FOXB2: variants seen among roughly 807,000 people sequenced by gnomAD.
FOXB2 encodes the protein forkhead box protein B2.
In FOXB2, 1 loss-of-function variant was observed where a neutral mutation model predicts 0.9. The observed-to-expected ratio is 1.09, with a 90% CI of 0.39 to 5.18. The LOEUF (loss-of-function observed/expected upper bound fraction) is 5.18, where lower values mean the gene tolerates loss of function less well. Among genes scored for constraint, FOXB2 ranks in the 30% most tolerant of loss-of-function variants. FOXB2 has a pLI of 0.16. For missense variants in FOXB2, 670 were observed against 626.6 expected (o/e 1.07, Z -0.74); for synonymous variants, 322 against 293.5 (o/e 1.10, Z -0.99).
rs765506681 is a variant in FOXB2, at chr9:77,019,667, G to C, written c.13G>C (p.Gly5Arg). The stretch of plus-strand genomic sequence containing the variant: ...GGAGCCGGGGGCGATGCCGCGGCCG[G>C]GGAAGAGCTCGTACAGCGACCAAAA... MPRP[G>R]KSSYSDQKPP... is the part of the protein sequence containing the mutation. The change falls in exon 1 of 1, where the codon GGG becomes CGG. Residue 5 changes from glycine (G) to arginine (R), a missense_variant. Physicochemically the swap from Gly to Arg is moderately radical, Grantham distance 125. Transcript: ENST00000376708. This position sits in a 1 kb window ranked among gnomAD's most constrained non-coding sequence, Gnocchi z 4.4. 6.3e-7 allele frequency: 1 copy of C among 1,579,698 alleles called. No homozygotes were observed. The highest frequency in any genetic ancestry group is 1.4e-5 in the African/African-American group (1 of 73,978).
At position 77,019,934 on chromosome 9, in the gene FOXB2, G is replaced by T. The variant is rs771193277; in HGVS notation, c.280G>T (p.Gly94Trp). 3 of 1,613,422 alleles carry T rather than the reference G, an allele frequency of 1.9e-6. No individual in the cohort carries two copies. The highest frequency in any genetic ancestry group is 1.3e-5 in the African/African-American group (1 of 74,918). The change falls in exon 1 of 1, where the codon GGG (glycine) becomes TGG (tryptophan). Residue 94 changes from glycine to tryptophan, a missense_variant. Transcript: ENST00000376708. The surrounding 1 kb of genome is among the most constrained non-coding windows in gnomAD (Gnocchi z 4.4). The stretch of plus-strand genomic sequence containing the variant: ...CTTCTGGGCGCTGCACCCCGACTGC[G>T]GGGACATGTTCGAGAACGGCAGCTT... ...GSFWALHPDCGDMFENGSFLR... is the reference protein window; with the variant it reads ...GSFWALHPDCWDMFENGSFLR...
chr9:77,020,739 T>A lies in FOXB2; in HGVS notation c.1085T>A (p.Met362Lys). The change falls in exon 1 of 1, where the codon ATG (methionine) becomes AAG (lysine). Residue 362 changes from methionine (M) to lysine (K), a missense_variant. By Grantham distance (95) the Met-to-Lys change is moderately conservative. Transcript: ENST00000376708. The surrounding 1 kb of genome is among the most constrained non-coding windows in gnomAD (Gnocchi z 4.9). ...CHSASQSLPA[M>K]PVPIKPTPAL... ...TCGGCAAGCCAGAGCCTGCCTGCCA[T>A]GCCGGTGCCCATCAAGCCCACGCCT... 6.3e-7 allele frequency: 1 copy of A among 1,597,064 alleles called. No homozygotes were observed. Among genetic ancestry groups the A allele is most frequent in the Non-Finnish European group, 8.5e-7 (1 of 1,174,428 alleles).
rs765866854 is a variant in FOXB2 at position 77,020,341 on chromosome 9, G to GGCCGCGGCA, written c.695_703dup (p.Ala232_Ala234dup). 8 of 1,215,014 alleles carry GGCCGCGGCA rather than the reference G, an allele frequency of 6.6e-6. No individual in the cohort carries two copies. Among genetic ancestry groups the GGCCGCGGCA allele is most frequent in the Admixed American group, 4.5e-5 (1 of 22,236 alleles). The allele number at this position is 1,215,014 out of a possible 1,614,324, so 75.3% of individuals were successfully genotyped here. On this transcript the variant is annotated inframe_insertion, in exon 1 of 1. Transcript: ENST00000376708. The surrounding 1 kb of genome is among the most constrained non-coding windows in gnomAD (Gnocchi z 4.9). ...CGGCCGTGGCGGCGGCGGCGGCGGC[G>GGCCGCGGCA]GCCGCGGCAGCCGCGGTGGGCAGCG...
Position 77,019,695 on chromosome 9 carries a change from C to T in FOXB2, c.41C>T (p.Pro14Leu), listed in dbSNP as rs1209607680. 2 of 1,608,294 alleles carry T rather than the reference C, an allele frequency of 1.2e-6. No individual in the cohort carries two copies. Among genetic ancestry groups the T allele is most frequent in the Admixed American group, 3.4e-5 (2 of 59,114 alleles). The change falls in exon 1 of 1, where the codon CCG becomes CTG. Residue 14 changes from proline to leucine, a missense_variant. Coordinates refer to ENST00000376708, the MANE Select transcript of FOXB2 (RefSeq NM_001013735.1). The surrounding 1 kb of genome is among the most constrained non-coding windows in gnomAD (Gnocchi z 4.4). ...AAGAGCTCGTACAGCGACCAAAAAC[C>T]GCCCTACTCTTACATCTCGCTGACC... ...PGKSSYSDQK[P>L]PYSYISLTAM... is the part of the protein sequence containing the mutation.
Position 77,019,895 on chromosome 9 carries a change from C to G in FOXB2, c.241C>G (p.Pro81Ala). 2 of 1,613,886 alleles carry G rather than the reference C, an allele frequency of 1.2e-6. No homozygotes were observed. Among genetic ancestry groups the G allele is most frequent in the Admixed American group, 1.7e-5 (1 of 60,030 alleles). Residue 81 changes from proline (P) to alanine (A), a missense_variant, in exon 1 of 1, where the codon CCT (proline) becomes GCT (alanine). Pro to Ala is a conservative substitution (Grantham distance 27). Transcript: ENST00000376708. The surrounding 1 kb of genome is among the most constrained non-coding windows in gnomAD (Gnocchi z 4.4). ...FIKIPRRPDQ[P>A]GKGSFWALHP... ...CAAGATTCCGCGGAGGCCCGACCAG[C>G]CTGGCAAGGGTAGCTTCTGGGCGCT...
rs540754001 is a variant in FOXB2, at chr9:77,020,320, C to A, written c.666C>A (p.Ala222=). Residue 222 remains alanine (A), a synonymous_variant, in exon 1 of 1, where the codon GCC becomes GCA. Coordinates refer to ENST00000376708, the MANE Select transcript of FOXB2 (RefSeq NM_001013735.1). This position sits in a 1 kb window ranked among gnomAD's most constrained non-coding sequence, Gnocchi z 4.9. ...SHPGKMQEAA[A]VAAAAAAAAA... is the part of the protein sequence containing the mutation. ...CCGGCAAGATGCAGGAGGCGGCGGC[C>A]GTGGCGGCGGCGGCGGCGGCGGCCG... 2.5e-5 allele frequency: 28 copies of A among 1,142,842 alleles called. No homozygotes were observed. The South Asian group carries it at 5.8e-4, about 24-fold the overall frequency. 70.8% of individuals were successfully genotyped at this position (1,142,842 alleles called of 1,614,324 possible).
At position 77,020,598 on chromosome 9, in the gene FOXB2, C is replaced by T. The variant is rs906714422; in HGVS notation, c.944C>T (p.Pro315Leu). 1 of 1,607,472 alleles carries T rather than the reference C, an allele frequency of 6.2e-7. No homozygotes were observed. Among genetic ancestry groups the T allele is most frequent in the African/African-American group, 1.3e-5 (1 of 74,544 alleles). The change falls in exon 1 of 1, where the codon CCG (proline) becomes CTG (leucine). Residue 315 changes from proline to leucine, a missense_variant. Physicochemically the swap from Pro to Leu is moderately conservative, Grantham distance 98. Transcript: ENST00000376708. This position sits in a 1 kb window ranked among gnomAD's most constrained non-coding sequence, Gnocchi z 4.9. The part of the protein sequence containing the change: ...QLGNVVSSVW[P>L]HVGVMDSVAA... ...GGCAACGTCGTCAGCTCCGTGTGGC[C>T]GCACGTTGGCGTCATGGATTCGGTG...
In FOXB2 at chr9:77,019,737, A is replaced by G. The variant is rs769208727; in HGVS notation, c.83A>G (p.His28Arg). The G allele has an allele frequency of 1.2e-6, 2 of 1,613,904 alleles. No homozygotes were observed. The highest frequency in any genetic ancestry group is 2.7e-5 in the African/African-American group (2 of 74,908). ...YISLTAMAIQ[H>R]SAEKMLPLSD... ...TCGCTGACCGCCATGGCAATCCAGC[A>G]CTCGGCCGAGAAGATGCTGCCGCTG... is the stretch of plus-strand genomic sequence containing the variant. Residue 28 changes from histidine to arginine, a missense_variant, in exon 1 of 1, where the codon CAC (histidine) becomes CGC (arginine). By Grantham distance (29) the His-to-Arg change is conservative (BLOSUM62 0). Coordinates refer to ENST00000376708, the MANE Select transcript of FOXB2 (RefSeq NM_001013735.1). The surrounding 1 kb of genome is among the most constrained non-coding windows in gnomAD (Gnocchi z 4.4).
In FOXB2 at chr9:77,020,145, A is replaced by AGCC. The variant is rs753771418; in HGVS notation, c.507_509dup (p.Pro174dup). ...CACCACCATCACCACCACCCACCCC[A>AGCC]GCCGCCGCCGCCGCCGCCCCCGCCG... is the stretch of plus-strand genomic sequence containing the variant. On this transcript the variant is annotated inframe_insertion, in exon 1 of 1. Coordinates refer to ENST00000376708, the MANE Select transcript of FOXB2 (RefSeq NM_001013735.1). The surrounding 1 kb of genome is among the most constrained non-coding windows in gnomAD (Gnocchi z 4.9). 1.4e-5 allele frequency: 19 copies of AGCC among 1,355,810 alleles called. No homozygotes were observed. The highest frequency in any genetic ancestry group is 7.3e-5 in the East Asian group (3 of 41,254). The allele number at this position is 1,355,810 out of a possible 1,614,324, so 84.0% of individuals were successfully genotyped here.
Position 77,020,287 on chromosome 9 carries a change from G to C in FOXB2, c.633G>C (p.Pro211=), listed in dbSNP as rs758358434. 2.1e-6 allele frequency: 3 copies of C among 1,429,290 alleles called. No individual in the cohort carries two copies. Among genetic ancestry groups the C allele is most frequent in the African/African-American group, 2.9e-5 (2 of 69,590 alleles). 88.5% of individuals were successfully genotyped at this position (1,429,290 alleles called of 1,614,324 possible). A position where few individuals can be genotyped will look rare whatever the true frequency, so the allele number is the denominator to read the frequency against. Residue 211 remains proline (P), a synonymous_variant, in exon 1 of 1, where the codon CCG becomes CCC. Transcript: ENST00000376708. The surrounding 1 kb of genome is among the most constrained non-coding windows in gnomAD (Gnocchi z 4.9). ...QPPQQSQPQQ[P]SHPGKMQEAA... ...CCCAGCAGTCGCAGCCTCAGCAGCC[G>C]TCTCACCCCGGCAAGATGCAGGAGG...
Position 77,020,071 on chromosome 9 carries a change from TCACCACCACCACCCCCAC to T in FOXB2, c.426_443del (p.Pro144_His149del). 9 of 1,560,620 alleles carry T rather than the reference TCACCACCACCACCCCCAC, an allele frequency of 5.8e-6. No individual in the cohort carries two copies. The highest frequency in any genetic ancestry group is 7.8e-6 in the Non-Finnish European group (9 of 1,155,962). ...GTCCGGGAGGGCACCTTCACCCCCA[TCACCACCACCACCCCCAC>T]CACCACCATCATCACCACGCTGCCG... is the stretch of plus-strand genomic sequence containing the variant. On this transcript the variant is annotated inframe_deletion, in exon 1 of 1. Coordinates refer to ENST00000376708, the MANE Select transcript of FOXB2 (RefSeq NM_001013735.1). This position sits in a 1 kb window ranked among gnomAD's most constrained non-coding sequence, Gnocchi z 4.9.
rs547464202 is a variant in FOXB2 at position 77,020,657 on chromosome 9, G to C, written c.1003G>C (p.Val335Leu). ...CGCGGCCGCCGCAGCCGCAGCCGGA[G>C]TCCCTGTAGGCCCGGAGTATGGGGC... is the stretch of plus-strand genomic sequence containing the variant. Reference protein sequence around the residue: ...AAAAAAAAAGVPVGPEYGAFG... With the variant: ...AAAAAAAAAGLPVGPEYGAFG... Residue 335 changes from valine (V) to leucine (L), a missense_variant, in exon 1 of 1, where the codon GTC becomes CTC. Coordinates refer to ENST00000376708, the MANE Select transcript of FOXB2 (RefSeq NM_001013735.1). This position sits in a 1 kb window ranked among gnomAD's most constrained non-coding sequence, Gnocchi z 4.9. 2.9e-5 allele frequency: 46 copies of C among 1,602,860 alleles called. No homozygotes were observed. Among genetic ancestry groups the C allele is most frequent in the Non-Finnish European group, 3.7e-5 (44 of 1,176,050 alleles).
Position 77,020,305 on chromosome 9 carries a change from G to T in FOXB2, c.651G>T (p.Met217Ile), listed in dbSNP as rs889758377. ...AGCAGCCGTCTCACCCCGGCAAGAT[G>T]CAGGAGGCGGCGGCCGTGGCGGCGG... The part of the protein sequence containing the change: ...QPQQPSHPGK[M>I]QEAAAVAAAA... The change falls in exon 1 of 1, where the codon ATG (methionine) becomes ATT (isoleucine). Residue 217 changes from methionine (M) to isoleucine (I), a missense_variant. By Grantham distance (10) the Met-to-Ile change is conservative (BLOSUM62 1). Coordinates refer to ENST00000376708, the MANE Select transcript of FOXB2 (RefSeq NM_001013735.1). The surrounding 1 kb of genome is among the most constrained non-coding windows in gnomAD (Gnocchi z 4.9). The T allele has an allele frequency of 2.3e-6, 3 of 1,286,856 alleles. No individual in the cohort carries two copies. The African/African-American group carries it at 4.6e-5, about 20-fold the overall frequency. 79.7% of individuals were successfully genotyped at this position (1,286,856 alleles called of 1,614,324 possible).
In FOXB2 at chr9:77,019,869, T is replaced by C; in HGVS notation, c.215T>C (p.Ile72Thr). ...RHNLSFNDCFIKIPRRPDQPG... is the reference protein window; with the variant it reads ...RHNLSFNDCFTKIPRRPDQPG... ...AACCTCTCCTTCAACGACTGCTTCA[T>C]CAAGATTCCGCGGAGGCCCGACCAG... Residue 72 changes from isoleucine (I) to threonine (T), a missense_variant, in exon 1 of 1, where the codon ATC becomes ACC. Ile to Thr is a moderately conservative substitution (Grantham distance 89). Transcript: ENST00000376708. The surrounding 1 kb of genome is among the most constrained non-coding windows in gnomAD (Gnocchi z 4.4). 2 of 1,613,958 alleles carry C rather than the reference T, an allele frequency of 1.2e-6. No individual in the cohort carries two copies. Among genetic ancestry groups the C allele is most frequent in the Non-Finnish European group, 1.7e-6 (2 of 1,180,026 alleles).
Position 77,020,652 on chromosome 9 carries a change from C to A in FOXB2, c.998C>A (p.Ala333Asp), listed in dbSNP as rs767260841. Residue 333 changes from alanine to aspartate, a missense_variant, in exon 1 of 1, where the codon GCC (alanine) becomes GAC (aspartate). Ala to Asp is a moderately radical substitution (Grantham distance 126, BLOSUM62 -2). Coordinates refer to ENST00000376708, the MANE Select transcript of FOXB2 (RefSeq NM_001013735.1). This position sits in a 1 kb window ranked among gnomAD's most constrained non-coding sequence, Gnocchi z 4.9. ...VAAAAAAAAA[A>D]GVPVGPEYGA... ...GCCGCCGCGGCCGCCGCAGCCGCAG[C>A]CGGAGTCCCTGTAGGCCCGGAGTAT... The A allele has an allele frequency of 7.5e-6, 12 of 1,601,578 alleles. No individual in the cohort carries two copies. The Admixed American group carries it at 8.5e-5, about 11-fold the overall frequency.
chr9:77,020,753 A>C lies in FOXB2; in HGVS notation c.1099A>C (p.Lys367Gln). The C allele has an allele frequency of 6.3e-7, 1 of 1,595,100 alleles. No homozygotes were observed. The highest frequency in any genetic ancestry group is 8.5e-7 in the Non-Finnish European group (1 of 1,174,164). The change falls in exon 1 of 1, where the codon AAG becomes CAG. Residue 367 changes from lysine to glutamine, a missense_variant. Lys to Gln is a moderately conservative substitution (Grantham distance 53, BLOSUM62 1). Transcript: ENST00000376708. This position sits in a 1 kb window ranked among gnomAD's most constrained non-coding sequence, Gnocchi z 4.9. ...CCTGCCTGCCATGCCGGTGCCCATC[A>C]AGCCCACGCCTGCGCTGCCGCCCGT... ...QSLPAMPVPI[K>Q]PTPALPPVSA...
Position 77,020,217 on chromosome 9 carries a change from C to A in FOXB2, c.563C>A (p.Pro188Gln). 8.4e-7 allele frequency: 1 copy of A among 1,186,722 alleles called. No homozygotes were observed. The highest frequency in any genetic ancestry group is 1.2e-6 in the Non-Finnish European group (1 of 804,410). The allele number at this position is 1,186,722 out of a possible 1,614,324, so 73.5% of individuals were successfully genotyped here. Reference protein sequence around the residue: ...HYFHQQPPTAPQPPPHLPSQP... With the variant: ...HYFHQQPPTAQQPPPHLPSQP... ...TTCCATCAGCAACCGCCTACTGCTC[C>A]GCAGCCGCCTCCGCACCTCCCGTCA... The change falls in exon 1 of 1, where the codon CCG (proline) becomes CAG (glutamine). Residue 188 changes from proline to glutamine, a missense_variant. Pro to Gln is a moderately conservative substitution (Grantham distance 76, BLOSUM62 -1). Transcript: ENST00000376708. This position sits in a 1 kb window ranked among gnomAD's most constrained non-coding sequence, Gnocchi z 4.9.
At position 77,020,513 on chromosome 9, in the gene FOXB2, G is replaced by A. The variant is rs940269559; in HGVS notation, c.859G>A (p.Gly287Arg). 6.2e-7 allele frequency: 1 copy of A among 1,610,400 alleles called. No homozygotes were observed. Among genetic ancestry groups the A allele is most frequent in the Non-Finnish European group, 8.5e-7 (1 of 1,179,032 alleles). The change falls in exon 1 of 1, where the codon GGA becomes AGA. Residue 287 changes from glycine (G) to arginine (R), a missense_variant. Physicochemically the swap from Gly to Arg is moderately radical, Grantham distance 125. Transcript: ENST00000376708. The surrounding 1 kb of genome is among the most constrained non-coding windows in gnomAD (Gnocchi z 4.9). ...GRDYKGVLQAGGLPLASVMHH... is the reference protein window; with the variant it reads ...GRDYKGVLQARGLPLASVMHH... The stretch of plus-strand genomic sequence containing the variant: ...GGACTACAAGGGCGTGCTGCAGGCT[G>A]GAGGGCTGCCCTTGGCGTCCGTCAT...
Position 77,020,367 on chromosome 9 carries a change from T to TGGGAC in FOXB2, c.715_719dup (p.Leu241AspfsTer99). 7.5e-7 allele frequency: 1 copy of TGGGAC among 1,328,766 alleles called. No homozygotes were observed. Among genetic ancestry groups the TGGGAC allele is most frequent in the Non-Finnish European group, 9.6e-7 (1 of 1,038,246 alleles). The allele number at this position is 1,328,766 out of a possible 1,614,324, so 82.3% of individuals were successfully genotyped here. A position where few individuals can be genotyped will look rare whatever the true frequency, so the allele number is the denominator to read the frequency against. ...GCCGCGGCAGCCGCGGTGGGCAGCGTGGGACGCCTGTCTCAGTTCCCACCC... is the reference window on the plus strand; with the variant it reads ...GCCGCGGCAGCCGCGGTGGGCAGCGTGGGACGGGACGCCTGTCTCAGTTCCCACCC... On this transcript the variant is annotated frameshift_variant, in exon 1 of 1. Coordinates refer to ENST00000376708, the MANE Select transcript of FOXB2 (RefSeq NM_001013735.1). LOFTEE classifies it low-confidence loss of function (END_TRUNC). This position sits in a 1 kb window ranked among gnomAD's most constrained non-coding sequence, Gnocchi z 4.9.
Sources: gnomAD v4.1 joint callset for allele counts on GRCh38, gnomAD v4.1.1 for gene constraint, Gnocchi (gnomAD v3.1) non-coding constraint, MANE v1.5 for transcripts, NCBI Gene and HGNC (gene_info 2026-07-23, HGNC 2026-07-21) for gene names.